DNAJB12: variants seen among roughly 807,000 people sequenced by gnomAD.
The protein encoded by DNAJB12 is dnaJ homolog subfamily B member 12.
In DNAJB12, 14 loss-of-function variants were observed where a neutral mutation model predicts 40.6. The ratio of observed to expected loss-of-function variants is 0.34; its 90% confidence interval spans 0.23 to 0.54. The LOEUF (loss-of-function observed/expected upper bound fraction) is 0.54. Ranked by LOEUF, DNAJB12 falls within the 20% of genes least tolerant of loss-of-function variation. The pLI is 0.92. For synonymous variants in DNAJB12, 181 were observed against 199.5 expected (o/e 0.91, Z 0.78); for missense variants, 444 against 501.7 (o/e 0.89, Z 1.10).
chr10:72,337,008 C>T (rs1006100190), intron 6 of DNAJB12: 2 of 262,066 alleles, frequency 7.6e-6, no homozygotes, highest in Non-Finnish European at 1.5e-5. Context: ...GGCTCTGCCT[C>T]TGTGCCTCCA....
Position 72,334,767 on chromosome 10 carries a change from T to C in DNAJB12, c.*31-150A>G, listed in dbSNP as rs1861420846. ...CAACCCCACTTGCGGCCTGCCCTCC[T>C]GCGGCAGCACAGAGGCAGGCACAAA... On this transcript the variant is annotated intron_variant, in intron 8 of 8. Transcript: ENST00000444643. 2.1e-6 allele frequency: 3 copies of C among 1,400,302 alleles called. No individual in the cohort carries two copies. In the African/African-American group the frequency reaches 4.5e-5, roughly 21 times the overall value. The allele number at this position is 1,400,302 out of a possible 1,614,324, so 86.7% of individuals were successfully genotyped here.
chr10:72,334,675 C>T, intron 8 of DNAJB12, 58 bp from the exon 9 acceptor site: 1 of 1,503,890 alleles, frequency 6.6e-7, no homozygotes. Context: ...GCTCCTCTAG[C>T]TTATGCCACA....
chr10:72,339,716 AC>A (rs1228964292), intron 5 of DNAJB12, among the ~76,000 whole-genome samples: 2 of 149,554 alleles, frequency 1.3e-5, no homozygotes, highest in Admixed American at 6.6e-5. Flanking sequence ...TAATTTTTAT[AC>A]TTTTTTTTTT....
At chr10:72,339,066 C>G (rs552054908) in intron 5 of DNAJB12, among the ~76,000 whole-genome samples, 1 of 150,882 alleles carries the variant, frequency 6.6e-6, no homozygotes, top group Non-Finnish European at 1.5e-5. Flanking sequence ...TTGAGACCAG[C>G]CTGTGCTCAA....
intron 8 of DNAJB12, 27 bp from the exon 9 acceptor site, chr10:72,334,644 C>T (rs1246129611): frequency 2.4e-5 from 36 of 1,525,158 alleles, no homozygotes; most frequent in Non-Finnish European, 3.0e-5. Context: ...CAACAGTTAG[C>T]TCGGCATTCA....
chr10:72,340,409 AAAAAT>A (rs1428057723), intron 5 of DNAJB12, among the ~76,000 whole-genome samples: 1 of 152,206 alleles, frequency 6.6e-6, no homozygotes, highest in Non-Finnish European at 1.5e-5. Context: ...GAAAAAAATG[AAAAAT>A]AAAATAAAAT....
chr10:72,354,784 A>T lies in DNAJB12; in HGVS notation c.114T>A (p.Tyr38Ter). Residue 38 changes from tyrosine (Y) to a stop codon, truncating the protein, a stop_gained, in exon 1 of 9, where the codon TAT (tyrosine) becomes TAA (stop). Coordinates refer to ENST00000444643, the MANE Select transcript of DNAJB12 (RefSeq NM_017626.7). LOFTEE classifies it high-confidence loss of function. ...ACTCACCGCGAACTCGCGGCGTCGG[A>T]TACAGCCGCTGTGCCTTCTCCAGGA... ...LRFLEKAQRLYPTPRVRALIE... is the reference protein window; with the variant it reads ...LRFLEKAQRL The T allele has an allele frequency of 6.2e-7, 1 of 1,613,266 alleles. No homozygotes were observed. Among genetic ancestry groups the T allele is most frequent in the Non-Finnish European group, 8.5e-7 (1 of 1,179,696 alleles).
At chr10:72,354,698 T>G in intron 1 of DNAJB12, 67 bp downstream of exon 1, 201 of 1,006,078 alleles carry the variant, frequency 2.0e-4, no homozygotes, top group Middle Eastern at 3.2e-4. Context: ...ACTGCTCCCG[T>G]CGGTCCGTTC....
At chr10:72,338,022 A>G (rs1168913534) in intron 6 of DNAJB12, among the ~76,000 whole-genome samples, 180 bp downstream of exon 6, 1 of 152,196 alleles carries the variant, frequency 6.6e-6, no homozygotes, top group Non-Finnish European at 1.5e-5. Flanking sequence ...AGGGGACCAT[A>G]ATCCTAAAAA....
intron 2 of DNAJB12, 126 bp downstream of exon 2, chr10:72,344,824 C>T (rs1861736435): frequency 4.4e-6 from 5 of 1,125,600 alleles, no homozygotes; most frequent in Non-Finnish European, 6.5e-6. Context: ...TGGACCTTCT[C>T]CATCCTCCAA....
chr10:72,342,899 G>A (rs1861677491), intron 3 of DNAJB12, among the ~76,000 whole-genome samples: 1 of 152,262 alleles, frequency 6.6e-6, no homozygotes, highest in African/African-American at 2.4e-5. Context: ...AGCCCCAGGT[G>A]TATAGGTATG....
chr10:72,344,196 G>A (rs957578468), intron 2 of DNAJB12, among the ~76,000 whole-genome samples: 5 of 152,310 alleles, frequency 3.3e-5, no homozygotes, highest in African/African-American at 7.2e-5. Context: ...GTTCTTGGCC[G>A]TTTCTAGGCC....
intron 1 of DNAJB12, chr10:72,353,302 A>G (rs1175896650): frequency 1.3e-5 from 2 of 152,220 alleles, no homozygotes; most frequent in African/African-American, 4.8e-5. Context: ...CCACCACAGA[A>G]TATGAATTAA....
intron 1 of DNAJB12, among the ~76,000 whole-genome samples, 189 bp from the exon 2 acceptor site, chr10:72,345,316 G>A (rs754287643): frequency 1.4e-4 from 21 of 152,184 alleles, no homozygotes; most frequent in Non-Finnish European, 2.4e-4. Context: ...GAGTAGGCAG[G>A]ACAGGCCGGA....
At chr10:72,336,057 C>A in intron 7 of DNAJB12, 126 bp from the exon 8 acceptor site, 1 of 1,205,008 alleles carries the variant, frequency 8.3e-7, no homozygotes, top group Non-Finnish European at 1.2e-6. Flanking sequence ...GGGCTGGCCT[C>A]CCATTAGGAA....
At chr10:72,340,101 T>C (rs988523165) in intron 5 of DNAJB12, among the ~76,000 whole-genome samples, 1 of 152,100 alleles carries the variant, frequency 6.6e-6, no homozygotes, top group Non-Finnish European at 1.5e-5. Context: ...TCCCAGCACT[T>C]TGGGAGGCTG....
In DNAJB12 at chr10:72,343,472, C is replaced by A. The variant is rs750497863; in HGVS notation, c.351G>T (p.Val117=). 1.5e-5 allele frequency: 24 copies of A among 1,614,094 alleles called. No individual in the cohort carries two copies. The highest frequency in any genetic ancestry group is 1.9e-5 in the Non-Finnish European group (22 of 1,180,038). The part of the protein sequence containing the change: ...QCKDYYEILG[V]SRGASDEDLK... ...GGTCCTCATCCGAGGCCCCTCTGCT[C>A]ACCCCCAGGATCTCATAGTAATCTT... The change falls in exon 3 of 9, where the codon GTG becomes GTT. Residue 117 remains valine (V), a synonymous_variant. Coordinates refer to ENST00000444643, the MANE Select transcript of DNAJB12 (RefSeq NM_017626.7).
chr10:72,343,610 G>A (rs906344887), intron 2 of DNAJB12, 99 bp from the exon 3 acceptor site: 2 of 1,340,350 alleles, frequency 1.5e-6, no homozygotes, highest in Non-Finnish European at 2.1e-6. Flanking sequence ...TGGGCAGGCT[G>A]CGGGGGACCA....
rs936126074 is a variant in DNAJB12, at chr10:72,337,813, T to C, written c.833+389A>G. On this transcript the variant is annotated intron_variant, in intron 6 of 8. Transcript: ENST00000444643. The stretch of plus-strand genomic sequence containing the variant: ...TCTTCGTCAGGGTTGGCAGGGGAGA[T>C]GGGCAGGGAAGAGTCACAAAGCCGC... Among the ~76,000 whole-genome samples the C allele has an allele frequency of 9.9e-5, 15 of 152,090 alleles. 1 individual carries two copies. The East Asian group carries it at 2.9e-3, about 29-fold the overall frequency.
Sources: gnomAD v4.1 joint callset for allele counts (sites outside exome capture counted in the v4.1 genomes callset) on GRCh38, gnomAD v4.1.1 for gene constraint, MANE v1.5 for transcripts, NCBI Gene and HGNC (gene_info 2026-07-23, HGNC 2026-07-21) for gene names.